Variants in CADPS2 observed in about 807,000 individuals in gnomAD.
The protein encoded by CADPS2 is calcium dependent secretion activator 2, also known as calcium-dependent secretion activator 2.
CADPS2 carries 93 observed loss-of-function variants against 172.5 expected under a neutral mutation model. The ratio of observed to expected loss-of-function variants is 0.54; its 90% CI spans 0.46 to 0.64. The LOEUF (loss-of-function observed/expected upper bound fraction) is 0.64, where lower values mean the gene tolerates loss of function less well. CADPS2 is among the 30% of genes least tolerant of loss of function. The pLI, the probability that CADPS2 is intolerant of heterozygous loss-of-function variation, is 0.00. For synonymous variants in CADPS2, 546 were observed against 555.2 expected (o/e 0.98, Z 0.23); for missense variants, 1,420 against 1,565.9 (o/e 0.91, Z 1.57).
chr7:122,849,862 G>T, intron 1 of CADPS2: 1 of 581,348 alleles, frequency 1.7e-6, no homozygotes, highest in East Asian at 4.1e-5. Context: ...CTTCTGGGCA[G>T]ATCTCAAGCC....
intron 1 of CADPS2, among the ~76,000 whole-genome samples, chr7:122,815,748 T>G (rs1320424599): frequency 6.6e-6 from 1 of 152,206 alleles, no homozygotes; most frequent in Admixed American, 6.5e-5. Flanking sequence ...CAGTCACTGA[T>G]AGAAGAAGTT....
At chr7:122,332,689 C>G (rs747799918) in intron 28 of CADPS2, among the ~76,000 whole-genome samples, 1 of 151,930 alleles carries the variant, frequency 6.6e-6, no homozygotes, top group Non-Finnish European at 1.5e-5. Flanking sequence ...CAGATATTTC[C>G]AGATGAATTA....
intron 2 of CADPS2, among the ~76,000 whole-genome samples, chr7:122,717,824 TTTGAAGA>T: frequency 6.6e-6 from 1 of 152,070 alleles, no homozygotes. Flanking sequence ...TTTTTGTCTG[TTTGAAGA>T]CAAGGTCTTG....
At chr7:122,867,915 G>C (rs1322249027) in intron 1 of CADPS2, among the ~76,000 whole-genome samples, 7 of 152,054 alleles carry the variant, frequency 4.6e-5, no homozygotes. Context: ...TGGGGAATGG[G>C]CCTCTTCATA....
At chr7:122,836,587 C>G (rs1405097739) in intron 1 of CADPS2, among the ~76,000 whole-genome samples, 10 of 152,098 alleles carry the variant, frequency 6.6e-5, no homozygotes, top group Admixed American at 6.6e-4. Context: ...GGAGGAAGAT[C>G]TACCAAGCAA....
chr7:122,480,664 G>C (rs1054198570), intron 12 of CADPS2, among the ~76,000 whole-genome samples, 188 bp downstream of exon 12: 1 of 152,036 alleles, frequency 6.6e-6, no homozygotes, highest in Admixed American at 6.6e-5. Context: ...TAGATATTAG[G>C]TTGTTTCTAC....
chr7:122,573,764 A>C (rs1228653590), intron 7 of CADPS2, among the ~76,000 whole-genome samples: 2 of 152,186 alleles, frequency 1.3e-5, no homozygotes, highest in African/African-American at 2.4e-5. Context: ...TAGTACCCTA[A>C]GAAGATTCAA....
At chr7:122,515,682 ACAC>A (rs748212118) in intron 8 of CADPS2, among the ~76,000 whole-genome samples, 107 of 152,226 alleles carry the variant, frequency 7.0e-4, no homozygotes, top group Middle Eastern at 3.4e-3. Flanking sequence ...CAAACCATCA[ACAC>A]CACAAGCTAC....
In CADPS2 at chr7:122,566,176, G is replaced by C. The variant is rs527926318; in HGVS notation, c.1336-11487C>G. On this transcript the variant is annotated intron_variant, in intron 7 of 29. Transcript: ENST00000449022. ...AAATGCTCAACATCGCTAATCATCAGGGAAACGCAAATAAAACCACCTCAC... is the reference window on the plus strand; with the variant it reads ...AAATGCTCAACATCGCTAATCATCACGGAAACGCAAATAAAACCACCTCAC... Among the ~76,000 whole-genome samples, 327 of 152,074 alleles carry C rather than the reference G, an allele frequency of 2.2e-3. 1 individual carries two copies. In the South Asian group the frequency reaches 0.023, roughly 11 times the overall value.
At chr7:122,730,702 T>C (rs2137495569) in intron 2 of CADPS2, among the ~76,000 whole-genome samples, 1 of 151,836 alleles carries the variant, frequency 6.6e-6, no homozygotes, top group Middle Eastern at 3.4e-3. Flanking sequence ...TTGCTATAGC[T>C]ATTGAAATTA....
chr7:122,724,029 G>C (rs1454427651), intron 2 of CADPS2, among the ~76,000 whole-genome samples: 1 of 143,398 alleles, frequency 7.0e-6, no homozygotes, highest in South Asian at 2.5e-4. Context: ...GGCCTGTTGT[G>C]GGGTGGAGGG....
At chr7:122,690,477 C>T (rs1319773032) in intron 2 of CADPS2, among the ~76,000 whole-genome samples, 1 of 152,196 alleles carries the variant, frequency 6.6e-6, no homozygotes. Flanking sequence ...ATACTGCAGA[C>T]CCTTCCCCAC....
intron 6 of CADPS2, among the ~76,000 whole-genome samples, chr7:122,603,073 C>T (rs538766915): frequency 6.6e-5 from 10 of 152,178 alleles, no homozygotes; most frequent in African/African-American, 2.4e-4. Context: ...TCTTCAATGA[C>T]ATCAACTGAG....
intron 1 of CADPS2, among the ~76,000 whole-genome samples, chr7:122,812,444 C>CAAAGAAAG (rs1800247160): frequency 1.4e-5 from 2 of 147,916 alleles, no homozygotes; most frequent in East Asian, 3.9e-4. Context: ...AGAGAGCAAG[C>CAAAGAAAG]AAAGAAAGAA....
chr7:122,477,311 G>A (rs1051417685), intron 12 of CADPS2, among the ~76,000 whole-genome samples: 1 of 151,838 alleles, frequency 6.6e-6, no homozygotes, highest in African/African-American at 2.4e-5. Flanking sequence ...CCAGGAGTTC[G>A]AGACCAGCCT....
chr7:122,614,971 T>C (rs1156438862), intron 6 of CADPS2, among the ~76,000 whole-genome samples: 1 of 152,226 alleles, frequency 6.6e-6, no homozygotes, highest in Non-Finnish European at 1.5e-5. Flanking sequence ...ATTTTCTGTT[T>C]GTACTACACA....
Position 122,782,596 on chromosome 7 carries a change from G to T in CADPS2, c.340-45528C>A, listed in dbSNP as rs188515641. ...ATTGCACTCCACCCTGGGTGACAGA[G>T]TGAGACCCTGTCTCAGCAACAACAA... On this transcript the variant is annotated intron_variant, in intron 1 of 29. Transcript: ENST00000449022. Among the ~76,000 whole-genome samples the T allele has an allele frequency of 2.6e-5, 4 of 152,196 alleles. No homozygotes were observed. In the East Asian group the frequency reaches 7.8e-4, roughly 30 times the overall value.
intron 1 of CADPS2, among the ~76,000 whole-genome samples, chr7:122,744,530 T>C (rs1363290942): frequency 6.6e-6 from 1 of 152,154 alleles, no homozygotes; most frequent in Non-Finnish European, 1.5e-5. Context: ...TCCAATAAAC[T>C]TGCCCCAGCG....
intron 1 of CADPS2, among the ~76,000 whole-genome samples, chr7:122,813,615 A>C (rs2140209163): frequency 6.6e-6 from 1 of 152,238 alleles, no homozygotes; most frequent in East Asian, 1.9e-4. Context: ...GTTGGACTTA[A>C]GTAAACGCCT....
Sources: gnomAD v4.1 joint callset for allele counts (sites outside exome capture counted in the v4.1 genomes callset) on GRCh38, gnomAD v4.1.1 for gene constraint, MANE v1.5 for transcripts, NCBI Gene and HGNC (gene_info 2026-07-23, HGNC 2026-07-21) for gene names.